The following KIF16B variants were observed in gnomAD, a reference collection of about 807,000 sequenced individuals.
The protein encoded by KIF16B is kinesin-like protein KIF16B.
In KIF16B, 98 loss-of-function variants were observed where a neutral mutation model predicts 156.3. The observed-to-expected ratio is 0.63, with a 90% confidence interval of 0.53 to 0.74. KIF16B has a LOEUF of 0.74. KIF16B is among the 30% of genes least tolerant of loss of function. KIF16B has a pLI of 0.00. For synonymous variants in KIF16B, 564 were observed against 583.7 expected, an observed-to-expected ratio of 0.97 and a Z score of 0.49; for missense variants, 1,421 against 1,606.5, an observed-to-expected ratio of 0.88 and a Z score of 1.97.
intron 24 of KIF16B, among the ~76,000 whole-genome samples, chr20:16,332,217 C>T (rs892492186): frequency 6.6e-6 from 1 of 151,966 alleles, no homozygotes; most frequent in African/African-American, 2.4e-5. Flanking sequence ...TTGTTTGATA[C>T]AAGGCAAGTT....
At chr20:16,381,953 G>A (rs2065106681) in intron 17 of KIF16B, 1 of 777,368 alleles carries the variant, frequency 1.3e-6, no homozygotes, top group Non-Finnish European at 2.0e-6. Flanking sequence ...CTTGAACTCA[G>A]GCTGAAAAGA....
intron 3 of KIF16B, among the ~76,000 whole-genome samples, chr20:16,518,828 T>TCA (rs149652340): frequency 5.3e-5 from 8 of 151,562 alleles, no homozygotes; most frequent in South Asian, 2.1e-4. Context: ...TACATTCAAA[T>TCA]CACACACACA....
chr20:16,569,101 C>T (rs113984139), intron 1 of KIF16B, among the ~76,000 whole-genome samples: 2,293 of 152,198 alleles, frequency 0.015, 58 homozygotes, highest in African/African-American at 0.052. Context: ...ACAGCAAGAA[C>T]CTACCATGTA....
intron 17 of KIF16B, among the ~76,000 whole-genome samples, chr20:16,398,585 T>C (rs2146218429): frequency 6.6e-6 from 1 of 152,330 alleles, no homozygotes; most frequent in South Asian, 2.1e-4. Flanking sequence ...CCTCATGTAC[T>C]GACCACATTG....
chr20:16,464,977 C>T (rs2067446369), intron 12 of KIF16B, among the ~76,000 whole-genome samples: 7 of 152,012 alleles, frequency 4.6e-5, no homozygotes, highest in Admixed American at 3.3e-4. Context: ...GGGTAAGTTT[C>T]TAACTACCAT....
chr20:16,324,061 C>A (rs930586791), intron 24 of KIF16B, among the ~76,000 whole-genome samples: 1 of 152,074 alleles, frequency 6.6e-6, no homozygotes, highest in Middle Eastern at 3.4e-3. Flanking sequence ...TACTTCAGAT[C>A]TGTGAATATT....
chr20:16,284,188 TACACAGGA>T, intron 25 of KIF16B, among the ~76,000 whole-genome samples: 1 of 152,122 alleles, frequency 6.6e-6, no homozygotes, highest in South Asian at 2.1e-4. Flanking sequence ...GCTAGCTAAT[TACACAGGA>T]ACACCTGCCT....
chr20:16,320,752 T>A (rs959122473), intron 24 of KIF16B, among the ~76,000 whole-genome samples: 1 of 152,134 alleles, frequency 6.6e-6, no homozygotes, highest in Non-Finnish European at 1.5e-5. Flanking sequence ...AATGTAAAGA[T>A]CTCAGAATAT....
Position 16,361,251 on chromosome 20 carries a change from T to A in KIF16B, c.3499-4799A>T, listed in dbSNP as rs187175998. Among the ~76,000 whole-genome samples, 8 of 152,258 alleles carry A rather than the reference T, an allele frequency of 5.3e-5. No individual in the cohort carries two copies. In the South Asian group the frequency reaches 6.2e-4, roughly 12 times the overall value. On this transcript the variant is annotated intron_variant, in intron 22 of 25. Transcript: ENST00000354981. Reference sequence around the variant, plus strand: ...CAAGTACCTATTATGCCCCAACAATTTGAAAATGGAGATTTGGGGAAAGAG... The same window carrying A: ...CAAGTACCTATTATGCCCCAACAATATGAAAATGGAGATTTGGGGAAAGAG...
intron 25 of KIF16B, among the ~76,000 whole-genome samples, chr20:16,305,474 T>C (rs1438469242): frequency 6.6e-6 from 1 of 152,214 alleles, no homozygotes; most frequent in Non-Finnish European, 1.5e-5. Flanking sequence ...CTGTACAAAA[T>C]GTGTAATTTC....
chr20:16,514,217 G>A (rs1390458365), intron 4 of KIF16B, among the ~76,000 whole-genome samples: 1 of 151,312 alleles, frequency 6.6e-6, no homozygotes, highest in African/African-American at 2.4e-5. Flanking sequence ...TTTTTCCAAA[G>A]GCACAGTAGG....
intron 1 of KIF16B, among the ~76,000 whole-genome samples, chr20:16,532,244 G>T (rs995833321): frequency 2.6e-5 from 4 of 151,954 alleles, no homozygotes; most frequent in African/African-American, 9.7e-5. Context: ...ATGTTACCTG[G>T]GATTTACTTT....
intron 15 of KIF16B, among the ~76,000 whole-genome samples, chr20:16,419,466 A>C (rs2066171547): frequency 6.6e-6 from 1 of 152,138 alleles, no homozygotes; most frequent in African/African-American, 2.4e-5. Context: ...AGCAGATGAA[A>C]ATTTTATCAA....
At chr20:16,342,450 T>C (rs2064156015) in intron 23 of KIF16B, among the ~76,000 whole-genome samples, 2 of 152,066 alleles carry the variant, frequency 1.3e-5, no homozygotes, top group Admixed American at 1.3e-4. Context: ...TAGGTAAGAG[T>C]TCAGGCTTGA....
chr20:16,421,305 T>A (rs925335573), intron 15 of KIF16B, among the ~76,000 whole-genome samples: 19 of 152,202 alleles, frequency 1.2e-4, no homozygotes, highest in Non-Finnish European at 2.4e-4. Context: ...ATGACGTTCA[T>A]ATGCTGTTTT....
chr20:16,536,359 G>A (rs1011110682), intron 1 of KIF16B, among the ~76,000 whole-genome samples: 1 of 152,120 alleles, frequency 6.6e-6, no homozygotes, highest in Non-Finnish European at 1.5e-5. Flanking sequence ...GGTGGGGGGA[G>A]TGAAGAGAAG....
At chr20:16,436,617 G>A (rs963120509) in intron 12 of KIF16B, among the ~76,000 whole-genome samples, 3 of 152,138 alleles carry the variant, frequency 2.0e-5, no homozygotes, top group African/African-American at 7.2e-5. Context: ...CTTCTCAGGT[G>A]CAGGTTTAGG....
intron 6 of KIF16B, 79 bp from the exon 7 acceptor site, chr20:16,508,179 A>C (rs2068846109): frequency 6.7e-7 from 1 of 1,494,178 alleles, no homozygotes; most frequent in South Asian, 1.2e-5. Flanking sequence ...TCTATGAAAT[A>C]ATACACAACT....
intron 3 of KIF16B, among the ~76,000 whole-genome samples, chr20:16,517,943 C>G (rs1337498284): frequency 6.6e-6 from 1 of 152,092 alleles, no homozygotes; most frequent in Non-Finnish European, 1.5e-5. Flanking sequence ...AAACCAAACC[C>G]AAAGGTTTTC....
Sources: allele counts gnomAD v4.1 joint callset (sites outside exome capture counted in the v4.1 genomes callset), GRCh38; gene constraint gnomAD v4.1.1; transcripts MANE v1.5; gene names NCBI Gene and HGNC (gene_info 2026-07-23, HGNC 2026-07-21).